DOCK10: variants seen among roughly 807,000 people sequenced by gnomAD.
The protein encoded by DOCK10 is dedicator of cytokinesis protein 10.
In DOCK10, 145 loss-of-function variants were observed where a neutral mutation model predicts 280.1. The observed-to-expected ratio is 0.52, with a 90% CI of 0.45 to 0.59. The LOEUF is 0.59. Among genes scored for constraint, DOCK10 ranks in the 20% least tolerant of loss-of-function variants. The pLI is 0.00. For missense variants in DOCK10, 2,368 were observed against 2,651.7 expected (o/e 0.89, Z 2.35); for synonymous variants, 915 against 942.2 (o/e 0.97, Z 0.53).
rs7578548 is a variant in DOCK10 at position 224,926,922 on chromosome 2, A to T, written c.243+4627T>A. Among the ~76,000 whole-genome samples, 821 of 152,342 alleles carry T rather than the reference A, an allele frequency of 5.4e-3. 5 individuals carry two copies. The highest frequency in any genetic ancestry group is 0.018 in the African/African-American group (768 of 41,564). On this transcript the variant is annotated intron_variant, in intron 2 of 55. Coordinates refer to ENST00000258390, the MANE Select transcript of DOCK10 (RefSeq NM_014689.3). ...GAAAATCTTTCAACAATCAAGACAG[A>T]AGAAGTCTCTGTCCTGCTAGAGGCT...
At position 224,922,859 on chromosome 2, in the gene DOCK10, G is replaced by A. The variant is rs115426785; in HGVS notation, c.244-6075C>T. 1.6e-3 allele frequency among the ~76,000 whole-genome samples: 241 copies of A among 152,320 alleles called. 1 individual carries two copies. Among genetic ancestry groups the A allele is most frequent in the African/African-American group, 5.4e-3 (226 of 41,576 alleles). Reference sequence around the variant, plus strand: ...GGAGGACAAAATGATGGTGTTTAAAGTAATCAATCAGTCTAAGCTTGGGGA... The same window carrying A: ...GGAGGACAAAATGATGGTGTTTAAAATAATCAATCAGTCTAAGCTTGGGGA... On this transcript the variant is annotated intron_variant, in intron 2 of 55. Coordinates refer to ENST00000258390, the MANE Select transcript of DOCK10 (RefSeq NM_014689.3).
At chr2:225,027,350 T>C (rs182416803) in intron 1 of DOCK10, among the ~76,000 whole-genome samples, 42 of 152,302 alleles carry the variant, frequency 2.8e-4, no homozygotes, top group Non-Finnish European at 4.4e-5. Flanking sequence ...CTTGGCCCGA[T>C]GACCACTGTA....
intron 50 of DOCK10, among the ~76,000 whole-genome samples, chr2:224,784,318 C>T (rs1163111733): frequency 6.6e-6 from 1 of 152,162 alleles, no homozygotes; most frequent in Non-Finnish European, 1.5e-5. Context: ...ACCATCACTC[C>T]AACTTCCAAA....
intron 1 of DOCK10, among the ~76,000 whole-genome samples, chr2:224,984,117 C>T (rs1267630837): frequency 6.6e-6 from 1 of 152,120 alleles, no homozygotes; most frequent in East Asian, 1.9e-4. Flanking sequence ...TACTCCCATC[C>T]CCCAGGACAT....
chr2:224,840,512 TTCAACG>T (rs1173961263), intron 23 of DOCK10, among the ~76,000 whole-genome samples: 1 of 152,112 alleles, frequency 6.6e-6, no homozygotes, highest in Non-Finnish European at 1.5e-5. Context: ...ATAAAAAATG[TTCAACG>T]TCATTAATCA....
intron 3 of DOCK10, among the ~76,000 whole-genome samples, chr2:224,897,658 C>T (rs1381578986): frequency 6.6e-6 from 1 of 152,162 alleles, no homozygotes; most frequent in Non-Finnish European, 1.5e-5. Flanking sequence ...GTTTCTCTTT[C>T]TGTGCCTGGC....
intron 1 of DOCK10, among the ~76,000 whole-genome samples, chr2:225,029,423 C>G (rs1690015456): frequency 6.6e-6 from 1 of 152,154 alleles, no homozygotes; most frequent in Non-Finnish European, 1.5e-5. Context: ...CCACCTGCCT[C>G]GGCCTCCCAT....
At chr2:224,887,047 G>A (rs1053942001) in intron 4 of DOCK10, among the ~76,000 whole-genome samples, 2 of 152,200 alleles carry the variant, frequency 1.3e-5, no homozygotes, top group African/African-American at 4.8e-5. Flanking sequence ...ATAGGCATGA[G>A]CCACTGGCGT....
At chr2:225,014,719 T>A (rs1486451768) in intron 1 of DOCK10, among the ~76,000 whole-genome samples, 2 of 152,202 alleles carry the variant, frequency 1.3e-5, no homozygotes, top group East Asian at 1.9e-4. Flanking sequence ...TTTCTTTTTC[T>A]TACTTTTAAT....
At chr2:224,982,606 T>C in intron 1 of DOCK10, 1 of 781,726 alleles carries the variant, frequency 1.3e-6, no homozygotes, top group Non-Finnish European at 1.6e-6. Context: ...TCAGAAAGTA[T>C]TTCTCAATTC....
At chr2:225,023,601 T>C (rs935146928) in intron 1 of DOCK10, among the ~76,000 whole-genome samples, 3 of 152,138 alleles carry the variant, frequency 2.0e-5, no homozygotes, top group Admixed American at 2.0e-4. Flanking sequence ...TTCATACTGC[T>C]TATGAGAGTG....
chr2:224,921,112 A>AATATATATATATATATATATATATAT (rs1201609470), intron 2 of DOCK10, among the ~76,000 whole-genome samples: 10 of 54,358 alleles, frequency 1.8e-4, no homozygotes, highest in African/African-American at 3.1e-4. Context: ...AAAAAAAAAA[A>AATATATATATATATATATATATATAT]ATATATATAT....
chr2:224,951,801 C>G (rs1309715467), intron 1 of DOCK10, among the ~76,000 whole-genome samples: 3 of 152,128 alleles, frequency 2.0e-5, no homozygotes, highest in African/African-American at 7.2e-5. Flanking sequence ...TGTCTTCAGG[C>G]ACATGCAAGG....
intron 16 of DOCK10, 61 bp from the exon 17 acceptor site, chr2:224,853,183 G>T: frequency 7.2e-7 from 1 of 1,381,208 alleles, no homozygotes; most frequent in Non-Finnish European, 9.7e-7. Context: ...GTGAACAATA[G>T]TTAACATGTT....
intron 3 of DOCK10, among the ~76,000 whole-genome samples, chr2:224,909,159 T>C (rs900819892): frequency 2.0e-5 from 3 of 152,242 alleles, no homozygotes; most frequent in African/African-American, 7.2e-5. Context: ...TTTGTGTATA[T>C]TAAAATAAAA....
rs1689691548 is a variant in DOCK10 at position 225,018,633 on chromosome 2, T to TATATATGTAATATTATATATATATA, written c.123+23594_123+23618dup. Reference sequence around the variant, plus strand: ...TATATATGTAATATTATATATATAATATATATGTAATATTATATATATATA... The same window carrying TATATATGTAATATTATATATATATA: ...TATATATGTAATATTATATATATAATATATATGTAATATTATATATATATAATATATGTAATATTATATATATATA... On this transcript the variant is annotated intron_variant, in intron 1 of 55. Transcript: ENST00000258390. Among the ~76,000 whole-genome samples, 2 of 9,400 alleles carry TATATATGTAATATTATATATATATA rather than the reference T, an allele frequency of 2.1e-4. 1 individual carries two copies. Among genetic ancestry groups the TATATATGTAATATTATATATATATA allele is most frequent in the African/African-American group, 3.9e-4 (2 of 5,166 alleles). 6.2% of individuals were successfully genotyped at this position (9,400 alleles called of 152,430 possible). A position where few individuals can be genotyped will look rare whatever the true frequency, so the allele number is the denominator to read the frequency against.
At chr2:225,009,934 A>C (rs1689386504) in intron 1 of DOCK10, among the ~76,000 whole-genome samples, 1 of 152,182 alleles carries the variant, frequency 6.6e-6, no homozygotes. Flanking sequence ...GTACTGGTTA[A>C]CCGTTAACTG....
At chr2:224,965,044 G>C (rs1480571762) in intron 1 of DOCK10, among the ~76,000 whole-genome samples, 1 of 152,198 alleles carries the variant, frequency 6.6e-6, no homozygotes, top group Non-Finnish European at 1.5e-5. Context: ...TTTGGTAGAA[G>C]TCAAGAACTC....
At position 224,854,998 on chromosome 2, in the gene DOCK10, T is replaced by G; in HGVS notation, c.1853A>C (p.Asp618Ala). ...SKMQTIPGSL[D>A]IAVDNVPLEH... ...CAAGGGAACGTTGTCAACAGCAATA[T>G]CCAGGCTTCCAGGAATGGTCTGCAT... The change falls in exon 16 of 56, where the codon GAT (aspartate) becomes GCT (alanine). Residue 618 changes from aspartate to alanine, a missense_variant. Physicochemically the swap from Asp to Ala is moderately radical, Grantham distance 126 (BLOSUM62 -2). Transcript: ENST00000258390. The G allele has an allele frequency of 1.2e-6, 2 of 1,610,582 alleles. No homozygotes were observed. The highest frequency in any genetic ancestry group is 2.2e-5 in the East Asian group (1 of 44,796).
Sources: allele counts gnomAD v4.1 joint callset (sites outside exome capture counted in the v4.1 genomes callset), GRCh38; gene constraint gnomAD v4.1.1; transcripts MANE v1.5; gene names NCBI Gene and HGNC (gene_info 2026-07-23, HGNC 2026-07-21).